The following TAF2 variants were observed in gnomAD, a reference collection of about 807,000 sequenced individuals.
TAF2 encodes TATA-box binding protein associated factor 2, also known as transcription initiation factor TFIID subunit 2.
TAF2 carries 61 observed loss-of-function variants against 138.5 expected under a neutral mutation model. The observed-to-expected ratio is 0.44, with a 90% CI of 0.36 to 0.54. The LOEUF (loss-of-function observed/expected upper bound fraction) is 0.54. Among genes scored for constraint, TAF2 ranks in the 20% least tolerant of loss-of-function variants. TAF2 has a pLI of 0.00. For missense variants in TAF2, 1,090 were observed against 1,427.9 expected (o/e 0.76, Z 3.81); for synonymous variants, 475 against 469.9 (o/e 1.01, Z -0.14).
intron 3 of TAF2, among the ~76,000 whole-genome samples, chr8:119,815,279 CT>C (rs796422815): frequency 2.4e-3 from 348 of 142,972 alleles, no homozygotes; most frequent in Middle Eastern, 3.6e-3. Flanking sequence ...GGGACTTGGT[CT>C]TTTTTTTTTT....
At position 119,733,973 on chromosome 8, in the gene TAF2, A is replaced by T. The variant is rs149331833; in HGVS notation, c.3338-1787T>A. 3.6e-3 allele frequency among the ~76,000 whole-genome samples: 551 copies of T among 152,320 alleles called. 6 individuals are homozygous for T. The highest frequency in any genetic ancestry group is 0.013 in the African/African-American group (531 of 41,572). On this transcript the variant is annotated intron_variant, in intron 25 of 25. Coordinates refer to ENST00000378164, the MANE Select transcript of TAF2 (RefSeq NM_003184.4). ...TCACAGCAGTGGTTCTCAGAACACC[A>T]GGGGTGATTTTGCCCCCAAAGGGTT...
intron 17 of TAF2, among the ~76,000 whole-genome samples, chr8:119,778,670 T>C (rs1040918322): frequency 5.3e-5 from 8 of 152,188 alleles, no homozygotes; most frequent in Non-Finnish European, 1.0e-4. Flanking sequence ...AACAAATTGA[T>C]TGTCCCAACA....
rs144006377 is a variant in TAF2, at chr8:119,767,377, G to A, written c.2365-4769C>T. 9.2e-3 allele frequency among the ~76,000 whole-genome samples: 1,395 copies of A among 152,298 alleles called. 20 individuals carry two copies. The highest frequency in any genetic ancestry group is 0.032 in the African/African-American group (1,329 of 41,562). Reference sequence around the variant, plus strand: ...AGAGGAGAGCAAAGCCCAGCAGCCCGCTGAACCAGGGCAAGTGTGGAGCTG... The same window carrying A: ...AGAGGAGAGCAAAGCCCAGCAGCCCACTGAACCAGGGCAAGTGTGGAGCTG... On this transcript the variant is annotated intron_variant, in intron 18 of 25. Coordinates refer to ENST00000378164, the MANE Select transcript of TAF2 (RefSeq NM_003184.4).
In TAF2 at chr8:119,776,376, G is replaced by A. The variant is rs375999280; in HGVS notation, c.2364+1643C>T. ...TTTTTTTTTTTTTTACTGTTGTAAC[G>A]TTTTATTAAAAGTTTCATCAATTTG... On this transcript the variant is annotated intron_variant, in intron 18 of 25. Coordinates refer to ENST00000378164, the MANE Select transcript of TAF2 (RefSeq NM_003184.4). 2.5e-3 allele frequency among the ~76,000 whole-genome samples: 333 copies of A among 131,470 alleles called. 1 individual carries two copies. The highest frequency in any genetic ancestry group is 3.5e-3 in the Non-Finnish European group (222 of 62,686). The allele number at this position is 131,470 out of a possible 152,430, so 86.2% of individuals were successfully genotyped here. A position where few individuals can be genotyped will look rare whatever the true frequency, so the allele number is the denominator to read the frequency against.
chr8:119,795,491 C>G (rs1823757664), intron 9 of TAF2, 41 bp downstream of exon 9: 2 of 1,504,726 alleles, frequency 1.3e-6, no homozygotes, highest in East Asian at 4.5e-5. Context: ...AAATGGAGGA[C>G]ATAAGACTTG....
At chr8:119,793,250 A>G in intron 10 of TAF2, 116 bp downstream of exon 10, 1 of 837,908 alleles carries the variant, frequency 1.2e-6, no homozygotes, top group South Asian at 1.7e-5. Context: ...AAGAATAGCA[A>G]TAAGAAAAAG....
intron 22 of TAF2, among the ~76,000 whole-genome samples, chr8:119,749,017 T>C (rs1012838637): frequency 6.6e-6 from 1 of 152,208 alleles, no homozygotes; most frequent in Non-Finnish European, 1.5e-5. Flanking sequence ...TGATTATGTG[T>C]GCTACAAAAA....
intron 18 of TAF2, among the ~76,000 whole-genome samples, chr8:119,776,211 T>C (rs957373041): frequency 1.3e-5 from 2 of 152,098 alleles, no homozygotes; most frequent in African/African-American, 4.8e-5. Flanking sequence ...CAAGAAAAAA[T>C]GAATTAATGT....
At chr8:119,824,078 A>C (rs1825950206) in intron 2 of TAF2, among the ~76,000 whole-genome samples, 1 of 152,158 alleles carries the variant, frequency 6.6e-6, no homozygotes, top group South Asian at 2.1e-4. Flanking sequence ...AAGGCATTCC[A>C]TTTTATAATG....
At chr8:119,791,579 C>A in intron 10 of TAF2, 120 bp from the exon 11 acceptor site, 1 of 1,127,874 alleles carries the variant, frequency 8.9e-7, no homozygotes, top group South Asian at 1.5e-5. Flanking sequence ...AAGCAATTTC[C>A]TTAGTACTAA....
At chr8:119,821,677 G>C (rs184755617) in intron 2 of TAF2, among the ~76,000 whole-genome samples, 7 of 152,278 alleles carry the variant, frequency 4.6e-5, no homozygotes, top group Non-Finnish European at 8.8e-5. Context: ...TATTGAGCTA[G>C]TAACTCCAGC....
At chr8:119,815,313 C>T (rs1200637438) in intron 3 of TAF2, among the ~76,000 whole-genome samples, 2 of 150,574 alleles carry the variant, frequency 1.3e-5, no homozygotes, top group African/African-American at 4.9e-5. Flanking sequence ...CTCACTCTGT[C>T]GCCCAGGCTG....
intron 4 of TAF2, 35 bp from the exon 5 acceptor site, chr8:119,804,054 T>C (rs1302143080): frequency 6.2e-7 from 1 of 1,610,592 alleles, no homozygotes; most frequent in Non-Finnish European, 8.5e-7. Context: ...CATTGATACA[T>C]AAGTTACAGT....
At chr8:119,811,805 CAAAAAAAAAAAAA>C (rs771523182) in intron 3 of TAF2, among the ~76,000 whole-genome samples, 2 of 60,350 alleles carry the variant, frequency 3.3e-5, no homozygotes, top group Non-Finnish European at 6.5e-5. Flanking sequence ...GACTCCGTCT[CAAAAAAAAAAAAA>C]AAAAAAAAAA....
intron 6 of TAF2, among the ~76,000 whole-genome samples, chr8:119,800,998 G>C (rs1824215997): frequency 6.6e-6 from 1 of 152,218 alleles, no homozygotes; most frequent in South Asian, 2.1e-4. Context: ...TAAATGAATT[G>C]TGATAAGATA....
chr8:119,754,831 C>T (rs1339478394), intron 22 of TAF2, among the ~76,000 whole-genome samples: 7 of 152,052 alleles, frequency 4.6e-5, no homozygotes, highest in Non-Finnish European at 1.0e-4. Flanking sequence ...AGACATAAGG[C>T]AAATTTTCTT....
At chr8:119,813,810 A>C (rs970862711) in intron 3 of TAF2, among the ~76,000 whole-genome samples, 2 of 151,914 alleles carry the variant, frequency 1.3e-5, no homozygotes, top group African/African-American at 2.4e-5. Context: ...AAATAATGAA[A>C]GGGGTGTGTT....
intron 18 of TAF2, among the ~76,000 whole-genome samples, chr8:119,777,806 T>C (rs539548680): frequency 6.5e-4 from 99 of 152,334 alleles, no homozygotes; most frequent in African/African-American, 2.3e-3. Context: ...AAAACTAATA[T>C]TGTTTTTTAT....
intron 3 of TAF2, among the ~76,000 whole-genome samples, chr8:119,814,016 C>T (rs1450417700): frequency 6.6e-6 from 1 of 151,922 alleles, no homozygotes; most frequent in African/African-American, 2.4e-5. Context: ...TCCAGCTACT[C>T]GAGAAGCTAA....
Sources: allele counts gnomAD v4.1 joint callset (sites outside exome capture counted in the v4.1 genomes callset), GRCh38; gene constraint gnomAD v4.1.1; transcripts MANE v1.5; gene names NCBI Gene and HGNC (gene_info 2026-07-23, HGNC 2026-07-21).